MYOM2: variants seen among roughly 807,000 people sequenced by gnomAD.
MYOM2 encodes myomesin 2, also known as myomesin-2.
Under a neutral mutation model 187.6 loss-of-function variants are expected in MYOM2, and 254 were observed. That is an observed-to-expected ratio of 1.35 (90% confidence interval 1.22 to 1.50). The LOEUF (loss-of-function observed/expected upper bound fraction) is 1.50, where lower values mean the gene tolerates loss of function less well. Among genes scored for constraint, MYOM2 ranks in the 40% most tolerant of loss-of-function variants. MYOM2 has a pLI of 0.00. For synonymous variants in MYOM2, 981 were observed against 753.8 expected (o/e 1.30, Z -4.94); for missense variants, 2,796 against 1,924.0 (o/e 1.45, Z -8.48).
At chr8:2,127,595 GAC>G (rs1306093467) in intron 31 of MYOM2, 12 of 165,794 alleles carry the variant, frequency 7.2e-5, no homozygotes, top group African/African-American at 2.6e-4. Flanking sequence ...GTGACGCGGT[GAC>G]GCAGCCGCAG....
chr8:2,059,313 G>C, intron 6 of MYOM2, 68 bp downstream of exon 6: 1 of 1,433,230 alleles, frequency 7.0e-7, no homozygotes, highest in Non-Finnish European at 9.7e-7. Flanking sequence ...CAAAGAAGAA[G>C]TCAGATGGGT....
intron 6 of MYOM2, 138 bp downstream of exon 6, chr8:2,059,383 T>C: frequency 1.5e-6 from 1 of 662,218 alleles, no homozygotes; most frequent in South Asian, 1.9e-5. Context: ...ATAGCATTTA[T>C]GAGTTAATGG....
chr8:2,138,747 T>G (rs1429762886), intron 32 of MYOM2, among the ~76,000 whole-genome samples: 2 of 140,900 alleles, frequency 1.4e-5, no homozygotes, highest in East Asian at 2.1e-4. Context: ...TGAGCATGTC[T>G]TCTTGGATTC....
At chr8:2,055,579 C>G (rs1324836917) in intron 3 of MYOM2, among the ~76,000 whole-genome samples, 1 of 152,168 alleles carries the variant, frequency 6.6e-6, no homozygotes, top group Non-Finnish European at 1.5e-5. Context: ...ACATTCCTTT[C>G]ATGGTTAGAT....
rs1585984065 is a variant in MYOM2 at position 2,142,276 on chromosome 8, T to G, written c.4002-99T>G. The G allele has an allele frequency of 3.4e-6, 4 of 1,178,778 alleles. No individual in the cohort carries two copies. In the East Asian group the frequency reaches 7.0e-5, roughly 21 times the overall value. The allele number at this position is 1,178,778 out of a possible 1,614,324, so 73.0% of individuals were successfully genotyped here. On this transcript the variant is annotated intron_variant, in intron 34 of 36. Transcript: ENST00000262113. ...ATGCAAACGTATCTCCTTCTTCTTTTGCTTCATCGCTAGTGAGCCTCTCAG... is the reference window on the plus strand; with the variant it reads ...ATGCAAACGTATCTCCTTCTTCTTTGGCTTCATCGCTAGTGAGCCTCTCAG...
chr8:2,073,275 C>T (rs1027464900), intron 9 of MYOM2, 64 bp from the exon 10 acceptor site: 88 of 1,545,472 alleles, frequency 5.7e-5, no homozygotes, highest in African/African-American at 1.8e-4. Context: ...CTGGTGTCCC[C>T]GAGGCTTTCT....
rs1448890649 is a variant in MYOM2, at chr8:2,096,277, T to C, written c.2156T>C (p.Leu719Pro). 1 of 1,614,110 alleles carries C rather than the reference T, an allele frequency of 6.2e-7. No homozygotes were observed. The highest frequency in any genetic ancestry group is 8.5e-7 in the Non-Finnish European group (1 of 1,180,024). Residue 719 changes from leucine (L) to proline (P), a missense_variant, in exon 18 of 37, where the codon CTC (leucine) becomes CCC (proline). By Grantham distance (98) the Leu-to-Pro change is moderately conservative. Transcript: ENST00000262113. ...CCGTCCCATCCTTATGGGATTACGC[T>C]CCTCAACTGTGACGGCCACTCCATG... Reference protein sequence around the residue: ...TVPSHPYGITLLNCDGHSMTL... With the variant: ...TVPSHPYGITPLNCDGHSMTL...
At chr8:2,109,598 C>G (rs1020665832) in intron 25 of MYOM2, 67 bp downstream of exon 25, 37 of 1,494,072 alleles carry the variant, frequency 2.5e-5, no homozygotes, top group Non-Finnish European at 3.2e-5. Context: ...AGGTCAGTTA[C>G]TGAATATCAA....
intron 15 of MYOM2, among the ~76,000 whole-genome samples, chr8:2,090,598 T>C (rs1052230234): frequency 1.3e-5 from 2 of 152,198 alleles, no homozygotes; most frequent in Non-Finnish European, 2.9e-5. Flanking sequence ...CATTAGTGAC[T>C]TTGCCTGCTC....
At chr8:2,103,248 A>G (rs542577413) in intron 21 of MYOM2, among the ~76,000 whole-genome samples, 5 of 144,258 alleles carry the variant, frequency 3.5e-5, no homozygotes, top group African/African-American at 1.3e-4. Flanking sequence ...ATATGGATAA[A>G]TGAGTGAGAG....
At chr8:2,138,053 A>C (rs188373124) in intron 32 of MYOM2, among the ~76,000 whole-genome samples, 9 of 152,292 alleles carry the variant, frequency 5.9e-5, no homozygotes, top group Admixed American at 5.2e-4. Context: ...CCTTTTATAC[A>C]CAGGGATGAG....
intron 32 of MYOM2, among the ~76,000 whole-genome samples, chr8:2,134,374 A>C (rs922981138): frequency 5.3e-5 from 8 of 152,196 alleles, no homozygotes. Context: ...TTTAGCTGGA[A>C]TACAACAAAA....
At chr8:2,082,275 C>G (rs901420814) in intron 13 of MYOM2, 4 of 152,174 alleles carry the variant, frequency 2.6e-5, no homozygotes, top group Non-Finnish European at 4.4e-5. Flanking sequence ...TGTCCTCTAA[C>G]TTAAAAAAAT....
chr8:2,119,711 A>G (rs1022743332), intron 28 of MYOM2, among the ~76,000 whole-genome samples: 8 of 152,042 alleles, frequency 5.3e-5, no homozygotes, highest in African/African-American at 1.9e-4. Context: ...GCTCAATCCT[A>G]TTTATAGGCA....
intron 18 of MYOM2, 119 bp downstream of exon 18, chr8:2,096,553 A>C: frequency 1.1e-6 from 1 of 940,764 alleles, no homozygotes; most frequent in Non-Finnish European, 1.6e-6. Flanking sequence ...TGGATTAAAA[A>C]ATAGCATCAT....
At chr8:2,070,712 C>G (rs532581907) in intron 8 of MYOM2, among the ~76,000 whole-genome samples, 39 of 152,360 alleles carry the variant, frequency 2.6e-4, no homozygotes, top group African/African-American at 7.5e-4. Context: ...GTGTTCACCA[C>G]CCGTGTTTGA....
chr8:2,103,679 A>G (rs933497058), intron 21 of MYOM2, among the ~76,000 whole-genome samples: 6 of 147,388 alleles, frequency 4.1e-5, no homozygotes, highest in Admixed American at 2.0e-4. Context: ...ATGTAGAGGT[A>G]TATGGATAAA....
intron 1 of MYOM2, among the ~76,000 whole-genome samples, chr8:2,048,893 C>T (rs1465771747): frequency 6.6e-6 from 1 of 151,790 alleles, no homozygotes; most frequent in African/African-American, 2.4e-5. Context: ...AGGTTCACGC[C>T]ATTCTCCTGC....
At chr8:2,125,109 C>G (rs1797591435) in intron 31 of MYOM2, among the ~76,000 whole-genome samples, 1 of 152,122 alleles carries the variant, frequency 6.6e-6, no homozygotes, top group African/African-American at 2.4e-5. Context: ...CATTTATTTA[C>G]TTTTGCTTTT....
Sources: gnomAD v4.1 joint callset for allele counts (sites outside exome capture counted in the v4.1 genomes callset) on GRCh38, gnomAD v4.1.1 for gene constraint, MANE v1.5 for transcripts, NCBI Gene and HGNC (gene_info 2026-07-23, HGNC 2026-07-21) for gene names.